Variants in PLXDC2 observed in about 807,000 individuals in gnomAD.
PLXDC2 encodes the protein plexin domain containing 2, also known as plexin domain-containing protein 2.
Under a neutral mutation model 68.9 loss-of-function variants are expected in PLXDC2, and 40 were observed. The ratio of observed to expected loss-of-function variants is 0.58; its 90% CI spans 0.45 to 0.76. PLXDC2 has a LOEUF of 0.76. Among genes scored for constraint, PLXDC2 ranks in the 30% least tolerant of loss-of-function variants. The pLI, the probability that PLXDC2 is intolerant of heterozygous loss-of-function variation, is 0.00. For synonymous variants in PLXDC2, 243 were observed against 234.2 expected (o/e 1.04, Z -0.34); for missense variants, 644 against 661.9 (o/e 0.97, Z 0.30).
At chr10:19,829,421 G>A (rs1385320611) in intron 1 of PLXDC2, among the ~76,000 whole-genome samples, 2 of 152,054 alleles carry the variant, frequency 1.3e-5, no homozygotes, top group Non-Finnish European at 2.9e-5. Flanking sequence ...AAAGAGTTTT[G>A]TTGATACTTT....
chr10:19,945,584 T>C (rs1277836318), intron 1 of PLXDC2, among the ~76,000 whole-genome samples: 2 of 152,220 alleles, frequency 1.3e-5, no homozygotes, highest in African/African-American at 2.4e-5. Flanking sequence ...TTTAGCCTTG[T>C]GGTTCTAGTG....
At chr10:20,059,625 A>G (rs1836063213) in intron 3 of PLXDC2, among the ~76,000 whole-genome samples, 1 of 152,222 alleles carries the variant, frequency 6.6e-6, no homozygotes, top group Non-Finnish European at 1.5e-5. Flanking sequence ...TTCTGAAAGA[A>G]GTAGCCAGTT....
chr10:20,086,238 C>T (rs993489412), intron 4 of PLXDC2, among the ~76,000 whole-genome samples: 1 of 152,180 alleles, frequency 6.6e-6, no homozygotes, highest in Admixed American at 6.5e-5. Context: ...CAGCTCACTG[C>T]AGCCTCGACC....
At chr10:20,220,817 C>A (rs991089333) in intron 12 of PLXDC2, among the ~76,000 whole-genome samples, 6 of 150,176 alleles carry the variant, frequency 4.0e-5, no homozygotes, top group African/African-American at 1.5e-4. Flanking sequence ...ACTGGCATGT[C>A]TCCACTCCTT....
At chr10:19,947,815 A>G (rs1437795518) in intron 1 of PLXDC2, among the ~76,000 whole-genome samples, 1 of 150,310 alleles carries the variant, frequency 6.7e-6, no homozygotes, top group Non-Finnish European at 1.5e-5. Context: ...AATATTAATA[A>G]CTCCTTGAAG....
At chr10:20,012,640 T>A (rs1835140181) in intron 2 of PLXDC2, among the ~76,000 whole-genome samples, 1 of 152,094 alleles carries the variant, frequency 6.6e-6, no homozygotes, top group African/African-American at 2.4e-5. Context: ...AAGGGTCTCC[T>A]TATAAAAATA....
intron 1 of PLXDC2, among the ~76,000 whole-genome samples, chr10:19,955,119 T>C (rs1834047531): frequency 6.7e-6 from 1 of 149,924 alleles, no homozygotes; most frequent in African/African-American, 2.5e-5. Context: ...TCTTGTTCTG[T>C]TGCCCAGGCT....
At chr10:20,203,809 G>A (rs79860312) in intron 9 of PLXDC2, among the ~76,000 whole-genome samples, 8,944 of 152,230 alleles carry the variant, frequency 0.059, 280 homozygotes, top group Middle Eastern at 0.088. Flanking sequence ...CTGGTGATTA[G>A]GTAAAGTGAT....
intron 13 of PLXDC2, among the ~76,000 whole-genome samples, chr10:20,261,442 A>G (rs1835807596): frequency 6.6e-6 from 1 of 152,246 alleles, no homozygotes; most frequent in Non-Finnish European, 1.5e-5. Flanking sequence ...GAAAACTCAT[A>G]AAGATACAAA....
intron 12 of PLXDC2, among the ~76,000 whole-genome samples, chr10:20,230,693 CAA>C (rs1191613913): frequency 3.4e-4 from 13 of 37,806 alleles, no homozygotes; most frequent in Middle Eastern, 0.045. Flanking sequence ...GACCTTGTCT[CAA>C]AAAAAAAAAA....
At chr10:19,926,182 C>T (rs962101330) in intron 1 of PLXDC2, among the ~76,000 whole-genome samples, 1 of 152,190 alleles carries the variant, frequency 6.6e-6, no homozygotes, top group Non-Finnish European at 1.5e-5. Context: ...ACTCACACAG[C>T]AATCTCTGCC....
intron 1 of PLXDC2, among the ~76,000 whole-genome samples, chr10:19,938,528 T>C (rs1433148324): frequency 1.3e-5 from 2 of 151,990 alleles, no homozygotes; most frequent in Non-Finnish European, 2.9e-5. Context: ...GGCTATACAA[T>C]TTGAACAGCC....
chr10:19,851,686 C>T (rs920646317), intron 1 of PLXDC2, among the ~76,000 whole-genome samples: 2 of 152,160 alleles, frequency 1.3e-5, no homozygotes, highest in East Asian at 1.9e-4. Flanking sequence ...GCTGGAATTA[C>T]AGGCATGCAC....
chr10:20,066,574 G>T (rs1564302464), intron 3 of PLXDC2, among the ~76,000 whole-genome samples: 1 of 152,164 alleles, frequency 6.6e-6, no homozygotes, highest in Non-Finnish European at 1.5e-5. Flanking sequence ...AGGGTTCTTA[G>T]TGACCACTTA....
At chr10:20,132,636 A>G (rs1042922923) in intron 4 of PLXDC2, among the ~76,000 whole-genome samples, 8 of 152,044 alleles carry the variant, frequency 5.3e-5, no homozygotes, top group African/African-American at 1.9e-4. Context: ...TTTGTCTGAT[A>G]TAGTTACGGC....
chr10:19,907,367 T>C (rs1833183137), intron 1 of PLXDC2, among the ~76,000 whole-genome samples: 1 of 152,328 alleles, frequency 6.6e-6, no homozygotes, highest in African/African-American at 2.4e-5. Context: ...CATCCTTGTT[T>C]ATGATGTCCT....
chr10:20,170,495 A>G (rs1194660663), intron 7 of PLXDC2, among the ~76,000 whole-genome samples: 1 of 152,200 alleles, frequency 6.6e-6, no homozygotes, highest in South Asian at 2.1e-4. Flanking sequence ...CGGCACAGGC[A>G]GTAATTTTTT....
At chr10:20,266,154 T>C (rs1483375550) in intron 13 of PLXDC2, among the ~76,000 whole-genome samples, 1 of 152,106 alleles carries the variant, frequency 6.6e-6, no homozygotes, top group East Asian at 1.9e-4. Flanking sequence ...TAATGAGAAA[T>C]CAGGGAAAAT....
At chr10:19,824,065 G>T (rs1167649141) in intron 1 of PLXDC2, among the ~76,000 whole-genome samples, 2 of 152,004 alleles carry the variant, frequency 1.3e-5, no homozygotes, top group Non-Finnish European at 2.9e-5. Context: ...AGCAGATGAG[G>T]ATATTCTGCA....
Sources: gnomAD v4.1 joint callset for allele counts (sites outside exome capture counted in the v4.1 genomes callset) on GRCh38, gnomAD v4.1.1 for gene constraint, MANE v1.5 for transcripts, NCBI Gene and HGNC (gene_info 2026-07-23, HGNC 2026-07-21) for gene names.